The following MAP3K9 variants were observed in gnomAD, a reference collection of about 807,000 sequenced individuals.
MAP3K9 encodes the protein mixed lineage kinase 1 (tyr and ser/thr specificity).
A neutral mutation model predicts 95.8 loss-of-function variants in MAP3K9; 46 were observed. That is an observed-to-expected ratio of 0.48 (90% CI 0.38 to 0.61). The LOEUF is 0.61. Ranked by LOEUF, MAP3K9 falls within the 20% of genes least tolerant of loss-of-function variation. The pLI is 0.00. For synonymous variants in MAP3K9, 533 were observed against 593.8 expected (o/e 0.90, Z 1.49); for missense variants, 1,296 against 1,474.3 (o/e 0.88, Z 1.98).
intron 2 of MAP3K9, among the ~76,000 whole-genome samples, chr14:70,780,114 T>C (rs974939614): frequency 3.3e-5 from 5 of 152,218 alleles, no homozygotes; most frequent in East Asian, 1.9e-4. Context: ...AATGTGCATA[T>C]GTGTTCTGGG....
At chr14:70,774,709 A>C (rs1262792033) in intron 2 of MAP3K9, among the ~76,000 whole-genome samples, 1 of 135,462 alleles carries the variant, frequency 7.4e-6, no homozygotes, top group East Asian at 2.3e-4. Flanking sequence ...CAAAAAGGCC[A>C]GGCACGGTGG....
In MAP3K9 at chr14:70,732,724, T is replaced by C. The variant is rs1409456795; in HGVS notation, c.2645A>G (p.Asn882Ser). 7 of 1,603,084 alleles carry C rather than the reference T, an allele frequency of 4.4e-6. No individual in the cohort carries two copies. The highest frequency in any genetic ancestry group is 2.7e-5 in the African/African-American group (2 of 74,676). Residue 882 changes from asparagine to serine, a missense_variant, in exon 11 of 12, where the codon AAT becomes AGT. By Grantham distance (46) the Asn-to-Ser change is conservative (BLOSUM62 1). Transcript: ENST00000554752. ...LSPCTHNPLV[N>S]VRVERFKRDP... The stretch of plus-strand genomic sequence containing the variant: ...TCGTTTGAAGCGCTCTACTCGGACA[T>C]TGACCAGGGGGTTGTGGGTACATGG...
At chr14:70,737,269 C>T (rs2053998714) in intron 8 of MAP3K9, among the ~76,000 whole-genome samples, 1 of 152,222 alleles carries the variant, frequency 6.6e-6, no homozygotes, top group South Asian at 2.1e-4. Context: ...AGCTCATCCT[C>T]TCTGCACTCA....
Position 70,733,185 on chromosome 14 carries a change from C to A in MAP3K9, c.2184G>T (p.Thr728=), listed in dbSNP as rs141180334. ...HEEPTPVNSA[T]STPQLTPTNS... ...TGGTTGGCGTCAGCTGAGGGGTACT[C>A]GTGGCCGAGTTGACTGGGGTGGGCT... The change falls in exon 11 of 12, where the codon ACG becomes ACT. Residue 728 remains threonine, a synonymous_variant. Coordinates refer to ENST00000554752, the MANE Select transcript of MAP3K9 (RefSeq NM_001284230.2). 2,885 of 1,610,504 alleles carry A rather than the reference C, an allele frequency of 1.8e-3. 50 individuals carry two copies. In the African/African-American group the frequency reaches 0.033, roughly 18 times the overall value.
Position 70,761,069 on chromosome 14 carries a change from T to A in MAP3K9, c.934A>T (p.Thr312Ser). ...ACTTCGGGTGCCATCCAAGCATACG[T>A]CCCTGCCGCACTCATCTTGGTGGTT... is the stretch of plus-strand genomic sequence containing the variant. Reference protein sequence around the residue: ...HRTTKMSAAGTYAWMAPEVIR... With the variant: ...HRTTKMSAAGSYAWMAPEVIR... The change falls in exon 3 of 12, where the codon ACG becomes TCG. Residue 312 changes from threonine (T) to serine (S), a missense_variant. Physicochemically the swap from Thr to Ser is moderately conservative, Grantham distance 58 (BLOSUM62 1). Around this residue, in one of 5 missense-constraint regions of MAP3K9, gnomAD observed 136 missense variants for 221.5 expected, o/e 0.61. Coordinates refer to ENST00000554752, the MANE Select transcript of MAP3K9 (RefSeq NM_001284230.2). The A allele has an allele frequency of 6.2e-7, 1 of 1,613,606 alleles. No individual in the cohort carries two copies. The highest frequency in any genetic ancestry group is 8.5e-7 in the Non-Finnish European group (1 of 1,179,886).
At chr14:70,746,368 A>G (rs2054147045) in intron 5 of MAP3K9, among the ~76,000 whole-genome samples, 1 of 152,224 alleles carries the variant, frequency 6.6e-6, no homozygotes, top group African/African-American at 2.4e-5. Context: ...GAGGACCCTT[A>G]GACATGTTGA....
At chr14:70,771,615 T>C (rs949709329) in intron 2 of MAP3K9, among the ~76,000 whole-genome samples, 3 of 152,062 alleles carry the variant, frequency 2.0e-5, no homozygotes, top group Admixed American at 6.6e-5. Flanking sequence ...CAGGCCCCCA[T>C]TTCCCTACCT....
At chr14:70,790,725 G>T (rs547185420) in intron 2 of MAP3K9, among the ~76,000 whole-genome samples, 1 of 152,274 alleles carries the variant, frequency 6.6e-6, no homozygotes, top group African/African-American at 2.4e-5. Flanking sequence ...ACAAAGTGTG[G>T]TTCTACAAGA....
At chr14:70,788,049 G>A (rs574806099) in intron 2 of MAP3K9, among the ~76,000 whole-genome samples, 11 of 152,296 alleles carry the variant, frequency 7.2e-5, no homozygotes, top group Non-Finnish European at 1.3e-4. Flanking sequence ...ATACTTAATC[G>A]CATTTGCCTC....
chr14:70,748,793 C>T (rs767898935), intron 5 of MAP3K9, 36 bp downstream of exon 5: 69 of 1,555,350 alleles, frequency 4.4e-5, no homozygotes, highest in Non-Finnish European at 5.3e-5. Context: ...TTTTTCTTTT[C>T]GTTCGTTTTT....
intron 3 of MAP3K9, among the ~76,000 whole-genome samples, chr14:70,754,640 T>G (rs1402860553): frequency 6.6e-6 from 1 of 151,858 alleles, no homozygotes; most frequent in Non-Finnish European, 1.5e-5. Flanking sequence ...CCCGGCTAAT[T>G]TTTTGTATTT....
At chr14:70,735,912 G>C in intron 9 of MAP3K9, 49 bp downstream of exon 9, 1 of 1,329,382 alleles carries the variant, frequency 7.5e-7, no homozygotes, top group Non-Finnish European at 1.1e-6. Flanking sequence ...GGAAATGGAA[G>C]GGAGATTGTT....
At chr14:70,798,471 G>GATTTTTTTT (rs2054889622) in intron 2 of MAP3K9, among the ~76,000 whole-genome samples, 2 of 65,434 alleles carry the variant, frequency 3.1e-5, no homozygotes, top group Non-Finnish European at 5.5e-5. Flanking sequence ...GTCACCAAAA[G>GATTTTTTTT]TTTTTTTTTT....
At chr14:70,764,996 A>G (rs61990476) in intron 2 of MAP3K9, among the ~76,000 whole-genome samples, 34,649 of 152,136 alleles carry the variant, frequency 0.23, 4,259 homozygotes, top group South Asian at 0.38. Flanking sequence ...ATAAAGTTAA[A>G]AAGTTACAGT....
At chr14:70,786,633 C>T (rs2054748399) in intron 2 of MAP3K9, among the ~76,000 whole-genome samples, 1 of 152,280 alleles carries the variant, frequency 6.6e-6, no homozygotes, top group African/African-American at 2.4e-5. Flanking sequence ...GTCTGAAATA[C>T]TTTGGTCCTA....
intron 8 of MAP3K9, among the ~76,000 whole-genome samples, chr14:70,737,274 C>T (rs1172944699): frequency 3.3e-5 from 5 of 152,204 alleles, no homozygotes; most frequent in African/African-American, 7.2e-5. Flanking sequence ...ATCCTCTCTG[C>T]ACTCACAAAG....
rs1312655852 is a variant in MAP3K9, at chr14:70,740,114, T to G, written c.1618A>C (p.Lys540Gln). 6.2e-7 allele frequency: 1 copy of G among 1,614,194 alleles called. No homozygotes were observed. Among genetic ancestry groups the G allele is most frequent in the South Asian group, 1.1e-5 (1 of 91,084 alleles). The change falls in exon 7 of 12, where the codon AAG (lysine) becomes CAG (glutamine). Residue 540 changes from lysine to glutamine, a missense_variant. Physicochemically the swap from Lys to Gln is moderately conservative, Grantham distance 53. Transcript: ENST00000554752. ...CTGGAGCGGCTGTTGATAAGACTCT[T>G]CCTTTTATCCATGGTAGGGGAGGCC... Reference protein sequence around the residue: ...VQASPTMDKRKSLINSRSSPP... With the variant: ...VQASPTMDKRQSLINSRSSPP...
chr14:70,797,417 A>AAAT (rs10624095), intron 2 of MAP3K9, among the ~76,000 whole-genome samples: 53,051 of 149,344 alleles, frequency 0.36, 9,921 homozygotes, highest in African/African-American at 0.43. Context: ...ATCTCTATTA[A>AAAT]AATAATAATA....
chr14:70,734,337 C>T lies in MAP3K9; in HGVS notation c.2026+49G>A, dbSNP rs981609927. ...TCCTAGAAGCTTGGGCAAGAATGCCCCCAGGGAGCAGGGAGACAGCCAAGA... is the reference window on the plus strand; with the variant it reads ...TCCTAGAAGCTTGGGCAAGAATGCCTCCAGGGAGCAGGGAGACAGCCAAGA... On this transcript the variant is annotated intron_variant, in intron 10 of 11. Transcript: ENST00000554752. 5 of 1,340,908 alleles carry T rather than the reference C, an allele frequency of 3.7e-6. No homozygotes were observed. In the African/African-American group the frequency reaches 5.7e-5, roughly 15 times the overall value. 83.1% of individuals were successfully genotyped at this position (1,340,908 alleles called of 1,614,324 possible). A position where few individuals can be genotyped will look rare whatever the true frequency, so the allele number is the denominator to read the frequency against.
Sources: gnomAD v4.1 joint callset for allele counts (sites outside exome capture counted in the v4.1 genomes callset) on GRCh38, gnomAD v4.1.1 for gene constraint, gnomAD v4.1.1 regional missense constraint, MANE v1.5 for transcripts, NCBI Gene and HGNC (gene_info 2026-07-23, HGNC 2026-07-21) for gene names.